NOD2: variants seen among roughly 807,000 people sequenced by gnomAD.
NOD2 encodes nucleotide-binding oligomerization domain-containing protein 2.
A neutral mutation model predicts 90.9 loss-of-function variants in NOD2; 86 were observed. The observed-to-expected ratio is 0.95, with a 90% confidence interval of 0.79 to 1.13. NOD2 has a LOEUF of 1.13. NOD2 is among the 50% of genes most tolerant of loss of function. NOD2 has a pLI of 0.00. For synonymous variants in NOD2, 581 were observed against 554.6 expected, an observed-to-expected ratio of 1.05 and a Z score of -0.67; for missense variants, 1,238 against 1,283.8, an observed-to-expected ratio of 0.96 and a Z score of 0.55.
At chr16:50,724,547 G>A (rs897440547) in intron 9 of NOD2, among the ~76,000 whole-genome samples, 1 of 152,206 alleles carries the variant, frequency 6.6e-6, no homozygotes, top group Non-Finnish European at 1.5e-5. Context: ...TTGCAGCTGG[G>A]CATTTGCCTT....
intron 3 of NOD2, among the ~76,000 whole-genome samples, chr16:50,708,417 C>G (rs748583136): frequency 1.3e-5 from 2 of 152,294 alleles, no homozygotes; most frequent in East Asian, 1.9e-4. Flanking sequence ...AACTCAGGAA[C>G]AGGAGGGGCT....
At chr16:50,724,294 T>C (rs1163313918) in intron 9 of NOD2, among the ~76,000 whole-genome samples, 1 of 152,260 alleles carries the variant, frequency 6.6e-6, no homozygotes, top group African/African-American at 2.4e-5. Flanking sequence ...TGATTGATTC[T>C]ATCCTGACTG....
intron 6 of NOD2, chr16:50,719,698 T>A (rs1488146277): frequency 1.5e-6 from 1 of 665,632 alleles, no homozygotes; most frequent in Non-Finnish European, 2.8e-6. Flanking sequence ...ATTGTCACAC[T>A]GCTGTGCAAA....
rs201329309 is a variant in NOD2 at position 50,716,676 on chromosome 16, T to A, written c.2465+6T>A. 9.9e-6 allele frequency: 16 copies of A among 1,613,962 alleles called. No individual in the cohort carries two copies. The highest frequency in any genetic ancestry group is 6.7e-5 in the Admixed American group (4 of 60,024). On this transcript the variant is annotated splice_donor_region_variant and intron_variant, in intron 5 of 11. Transcript: ENST00000647318. Reference sequence around the variant, plus strand: ...GAGCAATTGCAGAAGTTAGCGTAAGTCAGCCTGGGCTGTGGACAATGGGCT... The same window carrying A: ...GAGCAATTGCAGAAGTTAGCGTAAGACAGCCTGGGCTGTGGACAATGGGCT...
Position 50,712,278 on chromosome 16 carries a change from C to T in NOD2, c.2286C>T (p.Leu762=). ...CCCTGGCCTTTGTGCTGCAGCACCT[C>T]CGGCGGCCCGTGGCCCTGCAGCTGG... ...CAALAFVLQH[L]RRPVALQLDY... Residue 762 remains leucine, a synonymous_variant, in exon 4 of 12, where the codon CTC becomes CTT. Coordinates refer to ENST00000647318, the MANE Select transcript of NOD2 (RefSeq NM_001370466.1). 6.2e-7 allele frequency: 1 copy of T among 1,613,996 alleles called. No individual in the cohort carries two copies. Among genetic ancestry groups the T allele is most frequent in the Non-Finnish European group, 8.5e-7 (1 of 1,180,044 alleles).
intron 4 of NOD2, among the ~76,000 whole-genome samples, chr16:50,714,602 C>CTGTGTGTG (rs67559630): frequency 1.1e-3 from 151 of 136,012 alleles, no homozygotes; most frequent in Middle Eastern, 3.7e-3. Context: ...TGTGAGTGCA[C>CTGTGTGTG]TGTGTGTGTG....
chr16:50,703,720 C>G (rs1964049599), intron 2 of NOD2, among the ~76,000 whole-genome samples: 1 of 151,746 alleles, frequency 6.6e-6, no homozygotes, highest in Non-Finnish European at 1.5e-5. Context: ...TTACTATTGC[C>G]TTTTCTTAGA....
intron 10 of NOD2, 85 bp from the exon 11 acceptor site, chr16:50,729,733 C>G: frequency 8.7e-7 from 1 of 1,152,612 alleles, no homozygotes; most frequent in Non-Finnish European, 1.3e-6. Context: ...AGTAGACTGG[C>G]TAACTCCTGC....
In NOD2 at chr16:50,697,290, C is replaced by G; in HGVS notation, c.-8-2198C>G. 6.4e-7 allele frequency: 1 copy of G among 1,559,914 alleles called. No individual in the cohort carries two copies. Among genetic ancestry groups the G allele is most frequent in the Non-Finnish European group, 8.7e-7 (1 of 1,151,210 alleles). ...GCCTCTCACGATGAGGAGGAAAGAG[C>G]AAGTGTCCTCCTCGGACATTCTCCG... On this transcript the variant is annotated intron_variant, in intron 1 of 11. Transcript: ENST00000647318.
Position 50,729,868 on chromosome 16 carries a change from C to A in NOD2, c.2936C>A (p.Ala979Asp). The A allele has an allele frequency of 6.2e-7, 1 of 1,608,718 alleles. No homozygotes were observed. The highest frequency in any genetic ancestry group is 8.5e-7 in the Non-Finnish European group (1 of 1,176,214). The change falls in exon 11 of 12, where the codon GCC becomes GAC. Residue 979 changes from alanine to aspartate, a missense_variant. Around this residue, in one of 3 missense-constraint regions of NOD2, gnomAD observed 667 missense variants for 688.7 expected, o/e 0.97. Transcript: ENST00000647318. ...TYLGAEALLQ[A>D]LERNDTILEV... Reference sequence around the variant, plus strand: ...CTAGGGGCAGAAGCCCTCCTGCAGGCCCTTGAAAGGAATGACACCATCCTG... The same window carrying A: ...CTAGGGGCAGAAGCCCTCCTGCAGGACCTTGAAAGGAATGACACCATCCTG...
At chr16:50,694,757 TG>T (rs1963565802) in intron 1 of NOD2, among the ~76,000 whole-genome samples, 2 of 152,162 alleles carry the variant, frequency 1.3e-5, no homozygotes. Context: ...ATTCATGCAC[TG>T]GATGAGACAC....
In NOD2 at chr16:50,707,911, T is replaced by C. The variant is rs201115206; in HGVS notation, c.516T>C (p.Leu172=). 8.7e-6 allele frequency: 14 copies of C among 1,614,014 alleles called. No individual in the cohort carries two copies. Among genetic ancestry groups the C allele is most frequent in the Non-Finnish European group, 1.2e-5 (14 of 1,179,992 alleles). ...AAGCGAATGGATTGGCTGCCTTCCTTCTACAACATGTTCAGGAATTACCAG... is the reference window on the plus strand; with the variant it reads ...AAGCGAATGGATTGGCTGCCTTCCTCCTACAACATGTTCAGGAATTACCAG... ...TVKANGLAAF[L]LQHVQELPVP... is the part of the protein sequence containing the mutation. Residue 172 remains leucine, a synonymous_variant, in exon 3 of 12, where the codon CTT becomes CTC. Coordinates refer to ENST00000647318, the MANE Select transcript of NOD2 (RefSeq NM_001370466.1).
chr16:50,719,620 T>C, intron 6 of NOD2: 1 of 502,374 alleles, frequency 2.0e-6, no homozygotes, highest in East Asian at 4.5e-5. Flanking sequence ...GGTGTGACCC[T>C]GAGTCACCCT....
intron 10 of NOD2, chr16:50,727,889 T>C (rs887586516): frequency 6.5e-6 from 2 of 308,344 alleles, no homozygotes; most frequent in Admixed American, 3.9e-5. Context: ...CCAGTGACCA[T>C]GACCTTTTTT....
At chr16:50,717,307 G>T (rs527946439) in intron 6 of NOD2, among the ~76,000 whole-genome samples, 10 of 152,274 alleles carry the variant, frequency 6.6e-5, no homozygotes, top group African/African-American at 2.2e-4. Flanking sequence ...CCTGGTGGGG[G>T]AGGCATACAC....
At chr16:50,698,932 T>C (rs1963794339) in intron 1 of NOD2, among the ~76,000 whole-genome samples, 1 of 150,834 alleles carries the variant, frequency 6.6e-6, no homozygotes, top group African/African-American at 2.4e-5. Flanking sequence ...TCTCTGTCTT[T>C]TTTTTTTTTT....
chr16:50,729,962 T>C, intron 11 of NOD2, 61 bp downstream of exon 11: 1 of 1,276,038 alleles, frequency 7.8e-7, no homozygotes, highest in Non-Finnish European at 1.1e-6. Flanking sequence ...ATCTGTAAAA[T>C]GGGGTGACGG....
At chr16:50,730,488 C>T (rs73575776) in intron 11 of NOD2, among the ~76,000 whole-genome samples, 8,833 of 152,252 alleles carry the variant, frequency 0.058, 825 homozygotes, top group African/African-American at 0.19. Flanking sequence ...ATTTGTCCTT[C>T]TTGTTTCCAG....
At chr16:50,703,057 A>C (rs970168165) in intron 2 of NOD2, among the ~76,000 whole-genome samples, 4 of 152,216 alleles carry the variant, frequency 2.6e-5, no homozygotes, top group Non-Finnish European at 5.9e-5. Context: ...ATATTAACTT[A>C]AACATTTTTT....
Sources: allele counts gnomAD v4.1 joint callset (sites outside exome capture counted in the v4.1 genomes callset), GRCh38; gene constraint gnomAD v4.1.1; regional missense constraint gnomAD v4.1.1; transcripts MANE v1.5; gene names NCBI Gene and HGNC (gene_info 2026-07-23, HGNC 2026-07-21).